ANO7: variants seen among roughly 807,000 people sequenced by gnomAD.
ANO7 encodes anoctamin 7.
In ANO7, 114 loss-of-function variants were observed where a neutral mutation model predicts 115.8. The observed-to-expected ratio is 0.98, with a 90% CI of 0.85 to 1.15. The LOEUF (loss-of-function observed/expected upper bound fraction) is 1.15. Ranked by LOEUF, ANO7 falls within the 50% of genes most tolerant of loss-of-function variation. ANO7 has a pLI of 0.00. For synonymous variants in ANO7, 550 were observed against 498.2 expected (o/e 1.10, Z -1.38); for missense variants, 1,302 against 1,201.2 (o/e 1.08, Z -1.24).
At chr2:241,223,451 T>G in intron 22 of ANO7, 175 bp downstream of exon 22, 2 of 1,033,236 alleles carry the variant, frequency 1.9e-6, no homozygotes, top group Non-Finnish European at 2.9e-6. Context: ...CATCCCTGGG[T>G]TGTGGTGTGG....
intron 10 of ANO7, among the ~76,000 whole-genome samples, chr2:241,205,886 G>T (rs1334663035): frequency 1.7e-5 from 1 of 59,904 alleles, no homozygotes; most frequent in Non-Finnish European, 3.1e-5. Context: ...GTGCTACCAG[G>T]CTGACACAGG....
rs147733698 is a variant in ANO7 at position 241,207,605 on chromosome 2, G to C, written c.1012G>C (p.Glu338Gln). 20 of 1,613,642 alleles carry C rather than the reference G, an allele frequency of 1.2e-5. No individual in the cohort carries two copies. The highest frequency in any genetic ancestry group is 5.0e-5 in the Admixed American group (3 of 59,996). The change falls in exon 11 of 25, where the codon GAG becomes CAG. Residue 338 changes from glutamate to glutamine, a missense_variant. Physicochemically the swap from Glu to Gln is conservative, Grantham distance 29 (BLOSUM62 2). Transcript: ENST00000674324. ...QELCGSKDSFEMCPLCLDCPF... is the reference protein window; with the variant it reads ...QELCGSKDSFQMCPLCLDCPF... ...ACTGTGTGGCAGCAAGGACAGCTTC[G>C]AGATGTGCCCACTTTGCCTCGACTG...
At chr2:241,237,543 A>C in the ANO7 span, among the ~76,000 whole-genome samples, 1 of 152,222 alleles carries the variant, frequency 6.6e-6, no homozygotes, top group Non-Finnish European at 1.5e-5. Flanking sequence ...ATGGGGAAGT[A>C]GGTGTTTCTG....
chr2:241,216,175 C>T lies in ANO7; in HGVS notation c.1909C>T (p.Pro637Ser), dbSNP rs1446533321. Reference sequence around the variant, plus strand: ...AGCTTCTGCAGGGGCTAGCCAGGGGCCCTGGGAGGACGACTATGAGCTTGT... The same window carrying T: ...AGCTTCTGCAGGGGCTAGCCAGGGGTCCTGGGAGGACGACTATGAGCTTGT... ...AGASAGASQG[P>S]WEDDYELVPC... is the part of the protein sequence containing the mutation. Residue 637 changes from proline to serine, a missense_variant, in exon 19 of 25, where the codon CCC becomes TCC. By Grantham distance (74) the Pro-to-Ser change is moderately conservative. Coordinates refer to ENST00000674324, the MANE Select transcript of ANO7 (RefSeq NM_001370694.2). The T allele has an allele frequency of 1.2e-6, 2 of 1,613,174 alleles. No individual in the cohort carries two copies. The highest frequency in any genetic ancestry group is 1.7e-6 in the Non-Finnish European group (2 of 1,179,888).
In ANO7 at chr2:241,217,865, C is replaced by G; in HGVS notation, c.2152C>G (p.Leu718Val). The change falls in exon 20 of 25, where the codon CTC becomes GTC. Residue 718 changes from leucine to valine, a missense_variant. Leu to Val is a conservative substitution (Grantham distance 32, BLOSUM62 1). Transcript: ENST00000674324. ...CATCTGGTTCCACATCCTGGCGGGCCTCACGCACCTGGCGGTCATCAGCAA... is the reference window on the plus strand; with the variant it reads ...CATCTGGTTCCACATCCTGGCGGGCGTCACGCACCTGGCGGTCATCAGCAA... ...IGIWFHILAG[L>V]THLAVISNAF... 2 of 1,599,022 alleles carry G rather than the reference C, an allele frequency of 1.3e-6. No homozygotes were observed. The highest frequency in any genetic ancestry group is 1.7e-6 in the Non-Finnish European group (2 of 1,176,386).
rs747627636 is a variant in ANO7, at chr2:241,203,461, C to A, written c.852C>A (p.Tyr284Ter). Residue 284 changes from tyrosine to a stop codon, truncating the protein, a stop_gained, in exon 9 of 25, where the codon TAC becomes TAA. Transcript: ENST00000674324. LOFTEE classifies it high-confidence loss of function. This position sits in a 1 kb window ranked among gnomAD's most constrained non-coding sequence, Gnocchi z 4.8. The part of the protein sequence containing the change: ...KYQPLDHVRR[Y>*]FGEKVALYFA... Reference sequence around the variant, plus strand: ...AGCCCCTGGACCACGTGCGCAGGTACTTCGGGGAGAAGGTGGCCCTCTACT... The same window carrying A: ...AGCCCCTGGACCACGTGCGCAGGTAATTCGGGGAGAAGGTGGCCCTCTACT... The A allele has an allele frequency of 6.4e-7, 1 of 1,568,608 alleles. No individual in the cohort carries two copies. The highest frequency in any genetic ancestry group is 1.2e-5 in the South Asian group (1 of 85,324).
At position 241,200,105 on chromosome 2, in the gene ANO7, C is replaced by T. The variant is rs1193457279; in HGVS notation, c.434C>T (p.Ala145Val). The change falls in exon 6 of 25, where the codon GCC becomes GTC. Residue 145 changes from alanine (A) to valine (V), a missense_variant. Ala to Val is a moderately conservative substitution (Grantham distance 64). Coordinates refer to ENST00000674324, the MANE Select transcript of ANO7 (RefSeq NM_001370694.2). ...KLPLQELPNQ[A>V]SNWSAGLLAW... ...TCCTTCCAGGAGTTACCCAACCAGG[C>T]CTCCAACTGGTCGGCCGGCCTGCTG... is the stretch of plus-strand genomic sequence containing the variant. 1 of 1,612,800 alleles carries T rather than the reference C, an allele frequency of 6.2e-7. No individual in the cohort carries two copies. The highest frequency in any genetic ancestry group is 1.1e-5 in the South Asian group (1 of 91,076).
At chr2:241,219,322 G>C (rs1362703614) in intron 21 of ANO7, among the ~76,000 whole-genome samples, 2 of 152,158 alleles carry the variant, frequency 1.3e-5, no homozygotes, top group African/African-American at 4.8e-5. Flanking sequence ...CTCAGGTTTT[G>C]CTTTTGCTCT....
At chr2:241,229,344 G>A (rs2069440820), downstream of ANO7, 1 of 404,682 alleles carries the variant, frequency 2.5e-6, no homozygotes, top group Admixed American at 4.1e-5. Context: ...ACCAGGAGCT[G>A]GAGTCTGTTA....
At chr2:241,196,673 G>A (rs1038196037) in intron 4 of ANO7, among the ~76,000 whole-genome samples, 8 of 152,232 alleles carry the variant, frequency 5.3e-5, no homozygotes, top group African/African-American at 1.9e-4. Context: ...CCTGCGGTGA[G>A]GCCCGCCCAT....
intron 10 of ANO7, 35 bp from the exon 11 acceptor site, chr2:241,207,539 C>G (rs368754349): frequency 2.3e-5 from 37 of 1,591,272 alleles, no homozygotes; most frequent in Non-Finnish European, 3.1e-5. Context: ...CCCCCTCCCC[C>G]ATTAGCTCCC....
Position 241,201,324 on chromosome 2 carries a change from CCTT to C in ANO7, c.586_588del (p.Phe196del), listed in dbSNP as rs758150501. 16 of 1,613,322 alleles carry C rather than the reference CCTT, an allele frequency of 9.9e-6. No homozygotes were observed. The highest frequency in any genetic ancestry group is 4.0e-5 in the African/African-American group (3 of 74,908). On this transcript the variant is annotated inframe_deletion, in exon 7 of 25. Coordinates refer to ENST00000674324, the MANE Select transcript of ANO7 (RefSeq NM_001370694.2). ...TTCCTCGGGAGTGACAACCAGGACA[CCTT>C]CTTCACAAGCACCAAGAGGCACCAA...
At chr2:241,218,785 A>AG (rs1217889142) in intron 21 of ANO7, among the ~76,000 whole-genome samples, 2 of 152,212 alleles carry the variant, frequency 1.3e-5, no homozygotes, top group Admixed American at 6.5e-5. Context: ...TACAACTCTA[A>AG]GGGTCTACGT....
chr2:241,217,525 C>G, intron 19 of ANO7, 161 bp from the exon 20 acceptor site: 2 of 800,798 alleles, frequency 2.5e-6, no homozygotes, highest in South Asian at 1.8e-5. Context: ...GCGGCCCTGG[C>G]GCTGCGCGGT....
At chr2:241,226,744 G>T (rs539850134), downstream of ANO7, among the ~76,000 whole-genome samples, 1 of 152,228 alleles carries the variant, frequency 6.6e-6, no homozygotes, top group African/African-American at 2.4e-5. Context: ...GCTTTAAGAG[G>T]AACTGCCATA....
In ANO7 at chr2:241,209,387, C is replaced by T; in HGVS notation, c.1180C>T (p.Leu394=). 6.3e-7 allele frequency: 1 copy of T among 1,583,410 alleles called. No individual in the cohort carries two copies. Among genetic ancestry groups the T allele is most frequent in the East Asian group, 2.3e-5 (1 of 42,950 alleles). The stretch of plus-strand genomic sequence containing the variant: ...GTACTGGAAGCGGAAGAGCGCCACG[C>T]TGGCCTACCGCTGGGACTGCTCTGA... The part of the protein sequence containing the change: ...LEYWKRKSAT[L]AYRWDCSDYE... Residue 394 remains leucine (L), a synonymous_variant, in exon 12 of 25, where the codon CTG becomes TTG. Transcript: ENST00000674324.
intron 3 of ANO7, 27 bp from the exon 4 acceptor site, chr2:241,195,676 C>T: frequency 6.2e-7 from 1 of 1,610,196 alleles, no homozygotes; most frequent in Non-Finnish European, 8.5e-7. Flanking sequence ...TAGCCAGGCT[C>T]CTGCCTCTGT....
At position 241,188,841 on chromosome 2, in the gene ANO7, C is replaced by T; in HGVS notation, c.-8+75C>T. The T allele has an allele frequency of 6.5e-7, 1 of 1,537,152 alleles. No individual in the cohort carries two copies. The highest frequency in any genetic ancestry group is 2.3e-5 in the East Asian group (1 of 43,598). On this transcript the variant is annotated intron_variant, in intron 1 of 24. Transcript: ENST00000674324. The surrounding 1 kb of genome is among the most constrained non-coding windows in gnomAD (Gnocchi z 4.3). ...GGACTCTAGGGAGGCAGGGCGGCACCCCAGCCCACCGGGACTTTCACACAC... is the reference window on the plus strand; with the variant it reads ...GGACTCTAGGGAGGCAGGGCGGCACTCCAGCCCACCGGGACTTTCACACAC...
chr2:241,235,180 G>A, the ANO7 span: 7 of 1,614,058 alleles, frequency 4.3e-6, no homozygotes, highest in Admixed American at 1.7e-5. Flanking sequence ...GCCTTGGCCC[G>A]GTCCAAATTT....
Sources: allele counts gnomAD v4.1 joint callset (sites outside exome capture counted in the v4.1 genomes callset), GRCh38; gene constraint gnomAD v4.1.1; non-coding constraint Gnocchi (gnomAD v3.1); transcripts MANE v1.5; gene names NCBI Gene and HGNC (gene_info 2026-07-23, HGNC 2026-07-21).